Variants in RNF123 observed in about 807,000 individuals in gnomAD.
The protein encoded by RNF123 is ring finger protein 123.
Under a neutral mutation model 168.5 loss-of-function variants are expected in RNF123, and 86 were observed. The ratio of observed to expected loss-of-function variants is 0.51; its 90% CI spans 0.43 to 0.61. The LOEUF is 0.61. Among genes scored for constraint, RNF123 ranks in the 20% least tolerant of loss-of-function variants. RNF123 has a pLI of 0.00. For missense variants in RNF123, 1,419 were observed against 1,729.7 expected (o/e 0.82, Z 3.19); for synonymous variants, 666 against 689.1 (o/e 0.97, Z 0.52).
At chr3:49,704,830 G>A in intron 22 of RNF123, 74 bp downstream of exon 22, 2 of 1,445,974 alleles carry the variant, frequency 1.4e-6, no homozygotes, top group Non-Finnish European at 1.9e-6. Context: ...GTCTCATCCA[G>A]GGCCACTTCC....
At chr3:49,691,091 T>G in intron 1 of RNF123, 39 bp from the exon 2 acceptor site, 1 of 1,427,660 alleles carries the variant, frequency 7.0e-7, no homozygotes, top group Non-Finnish European at 9.8e-7. Flanking sequence ...TGGGGGCCCC[T>G]GGCTGGCCCT....
rs748002261 is a variant in RNF123, at chr3:49,713,606, G to A, written c.2749+19G>A. On this transcript the variant is annotated intron_variant, in intron 28 of 38. Coordinates refer to ENST00000327697, the MANE Select transcript of RNF123 (RefSeq NM_022064.5). ...GGCACTGGTGAGGGGCCCCTACAGA[G>A]GGTACAGGGGGAGGGGGATGGGATG... 12 of 1,607,956 alleles carry A rather than the reference G, an allele frequency of 7.5e-6. No individual in the cohort carries two copies. The East Asian group carries it at 1.1e-4, about 15-fold the overall frequency.
At chr3:49,720,984 C>G in intron 37 of RNF123, 36 bp from the exon 38 acceptor site, 1 of 1,608,290 alleles carries the variant, frequency 6.2e-7, no homozygotes, top group Non-Finnish European at 8.5e-7. Flanking sequence ...AGCCAGGCAT[C>G]CAACTCCAGC....
Position 49,703,509 on chromosome 3 carries a change from C to T in RNF123, c.1833C>T (p.His611=). 1 of 1,614,050 alleles carries T rather than the reference C, an allele frequency of 6.2e-7. No homozygotes were observed. Among genetic ancestry groups the T allele is most frequent in the Non-Finnish European group, 8.5e-7 (1 of 1,179,928 alleles). The part of the protein sequence containing the change: ...DLQRLGGLLS[H]LRKTLKDDLA... ...AGCGCCTGGGGGGCCTCCTCTCGCA[C>T]CTGCGGAAGACCCTCAAAGGTGTGT... Residue 611 remains histidine (H), a synonymous_variant, in exon 21 of 39, where the codon CAC becomes CAT. Transcript: ENST00000327697.
At chr3:49,702,828 G>C in intron 20 of RNF123, 75 bp downstream of exon 20, 1 of 1,601,476 alleles carries the variant, frequency 6.2e-7, no homozygotes, top group Non-Finnish European at 8.5e-7. Context: ...TGTTAGTGCA[G>C]AGTGCTGAGC....
At chr3:49,718,148 G>A in intron 35 of RNF123, 2 of 1,613,266 alleles carry the variant, frequency 1.2e-6, no homozygotes. Context: ...GCGTCTGGCG[G>A]TGTGGTGCTG....
rs1187493679 is a variant in RNF123, at chr3:49,714,186, G to T, written c.3010+12G>T. ...GCCCAGCCTCCAGAGTGAGTATCTG[G>T]GTTGGGCGAGTCCTGGGCAAGGCAG... On this transcript the variant is annotated intron_variant, in intron 31 of 38. Coordinates refer to ENST00000327697, the MANE Select transcript of RNF123 (RefSeq NM_022064.5). 12 of 1,613,598 alleles carry T rather than the reference G, an allele frequency of 7.4e-6. No individual in the cohort carries two copies. Among genetic ancestry groups the T allele is most frequent in the Non-Finnish European group, 1.0e-5 (12 of 1,179,710 alleles).
intron 35 of RNF123, chr3:49,718,287 C>A: frequency 6.2e-7 from 1 of 1,613,074 alleles, no homozygotes; most frequent in South Asian, 1.1e-5. Flanking sequence ...GCACAAGGCC[C>A]ACGGCACAGC....
intron 21 of RNF123, 56 bp downstream of exon 21, chr3:49,703,584 C>G: frequency 7.0e-7 from 1 of 1,429,556 alleles, no homozygotes; most frequent in Non-Finnish European, 9.7e-7. Flanking sequence ...GGGACTGTCC[C>G]TGAGCCTGCT....
chr3:49,715,821 G>A lies in RNF123; in HGVS notation c.3151-1G>A. ...TGCATGCCCACGTGTTGGTGGCTCA[G>A]ATCCAGCAGGCTGCTGAGCGCCTGG... On this transcript the variant is annotated splice_acceptor_variant, in intron 32 of 38. Transcript: ENST00000327697. LOFTEE classifies it high-confidence loss of function. The A allele has an allele frequency of 7.4e-6, 12 of 1,614,062 alleles. No homozygotes were observed. Among genetic ancestry groups the A allele is most frequent in the South Asian group, 1.1e-5 (1 of 91,074 alleles).
At chr3:49,693,851 C>A (rs1263129569) in intron 3 of RNF123, among the ~76,000 whole-genome samples, 1 of 152,176 alleles carries the variant, frequency 6.6e-6, no homozygotes, top group Non-Finnish European at 1.5e-5. Flanking sequence ...CTCTGATGAC[C>A]AGTGACGTTG....
rs766904997 is a variant in RNF123 at position 49,712,663 on chromosome 3, G to A, written c.2674+7G>A. 2.5e-6 allele frequency: 4 copies of A among 1,614,100 alleles called. No individual in the cohort carries two copies. In the Admixed American group the frequency reaches 6.7e-5, roughly 27 times the overall value. ...AGCATGGAGGAGCTCCCAGGTGATG[G>A]AACCATTCAGGCTGAGGCAGAAGCA... is the stretch of plus-strand genomic sequence containing the variant. On this transcript the variant is annotated splice_region_variant and intron_variant, in intron 27 of 38. Transcript: ENST00000327697.
At chr3:49,702,257 A>T in intron 18 of RNF123, 77 bp from the exon 19 acceptor site, 4 of 1,586,658 alleles carry the variant, frequency 2.5e-6, no homozygotes, top group Non-Finnish European at 3.5e-6. Flanking sequence ...GGGCTGGGGG[A>T]AGGTGCAGCA....
chr3:49,700,033 A>G, intron 12 of RNF123, 194 bp from the exon 13 acceptor site: 1 of 765,934 alleles, frequency 1.3e-6, no homozygotes, highest in Non-Finnish European at 2.1e-6. Flanking sequence ...GCGTGTGCCA[A>G]GCCTTAGAGG....
Position 49,714,300 on chromosome 3 carries a change from C to G in RNF123, c.3010+126C>G, listed in dbSNP as rs2080199397. 5 of 799,024 alleles carry G rather than the reference C, an allele frequency of 6.3e-6. No individual in the cohort carries two copies. The East Asian group carries it at 1.1e-4, about 17-fold the overall frequency. The allele number at this position is 799,024 out of a possible 1,614,324, so 49.5% of individuals were successfully genotyped here. ...TGGTTCCCCCATTGGGTCCCAGACT[C>G]CCTACGTGTCCCCTGGGGTTTCCAC... On this transcript the variant is annotated intron_variant, in intron 31 of 38. Coordinates refer to ENST00000327697, the MANE Select transcript of RNF123 (RefSeq NM_022064.5).
chr3:49,710,007 CT>C (rs1244901461), intron 26 of RNF123, among the ~76,000 whole-genome samples: 4 of 150,750 alleles, frequency 2.7e-5, no homozygotes, highest in East Asian at 3.9e-4. Context: ...ATTTTCTGCC[CT>C]TTTTTTTTCT....
At position 49,716,024 on chromosome 3, in the gene RNF123, G is replaced by A. The variant is rs1347990099; in HGVS notation, c.3339+14G>A. On this transcript the variant is annotated intron_variant, in intron 33 of 38. Coordinates refer to ENST00000327697, the MANE Select transcript of RNF123 (RefSeq NM_022064.5). ...CGTCTTGCACAGGTGTGGCCATCTG[G>A]GCAACAAGGGTGGGACCCTGGGGAT... 6.2e-7 allele frequency: 1 copy of A among 1,613,830 alleles called. No homozygotes were observed.
chr3:49,719,173 T>G (rs918773646), intron 35 of RNF123: 2 of 1,613,424 alleles, frequency 1.2e-6, no homozygotes, highest in Admixed American at 1.7e-5. Context: ...ACCCAGCGCA[T>G]CTAGTTCGTT....
rs762358529 is a variant in RNF123, at chr3:49,698,543, T to C, written c.570+17T>C. The stretch of plus-strand genomic sequence containing the variant: ...TATGGCAAGGTGAGAGCCAAGCCCC[T>C]GTGGGTCATCCGCCCCATGACTGTT... On this transcript the variant is annotated intron_variant, in intron 8 of 38. Transcript: ENST00000327697. The C allele has an allele frequency of 2.5e-6, 4 of 1,612,748 alleles. No homozygotes were observed. The Admixed American group carries it at 6.7e-5, about 27-fold the overall frequency.
Sources: allele counts gnomAD v4.1 joint callset (sites outside exome capture counted in the v4.1 genomes callset), GRCh38; gene constraint gnomAD v4.1.1; transcripts MANE v1.5; gene names NCBI Gene and HGNC (gene_info 2026-07-23, HGNC 2026-07-21).